Variants in SEC16A observed in about 807,000 individuals in gnomAD.
The protein encoded by SEC16A is SEC16 homolog A, endoplasmic reticulum export factor.
In SEC16A, 110 loss-of-function variants were observed where a neutral mutation model predicts 221.9. The observed-to-expected ratio is 0.50, with a 90% CI of 0.42 to 0.58. The LOEUF is 0.58. SEC16A is among the 20% of genes least tolerant of loss of function. The pLI, the probability that SEC16A is intolerant of heterozygous loss-of-function variation, is 0.00. For missense variants in SEC16A, 3,165 were observed against 3,097.8 expected, an observed-to-expected ratio of 1.02 and a Z score of -0.52; for synonymous variants, 1,393 against 1,257.7, an observed-to-expected ratio of 1.11 and a Z score of -2.28.
chr9:136,476,175 A>G lies in SEC16A; in HGVS notation c.1441T>C (p.Ser481Pro). The G allele has an allele frequency of 6.2e-7, 1 of 1,613,852 alleles. No homozygotes were observed. The highest frequency in any genetic ancestry group is 8.5e-7 in the Non-Finnish European group (1 of 1,179,888). ...TATCTGAACTGGTCACTCGGGGAGG[A>G]AGGGTCCAAATTGAGGGGCTCACTT... The part of the protein sequence containing the change: ...LPSEPLNLDP[S>P]SPSDQFRYGP... The change falls in exon 3 of 32, where the codon TCC (serine) becomes CCC (proline). Residue 481 changes from serine to proline, a missense_variant. Ser to Pro is a moderately conservative substitution (Grantham distance 74, BLOSUM62 -1). Transcript: ENST00000684901.
In SEC16A at chr9:136,475,568, G is replaced by C; in HGVS notation, c.2048C>G (p.Thr683Arg). The C allele has an allele frequency of 6.2e-7, 1 of 1,613,444 alleles. No individual in the cohort carries two copies. Among genetic ancestry groups the C allele is most frequent in the Non-Finnish European group, 8.5e-7 (1 of 1,179,754 alleles). The change falls in exon 3 of 32, where the codon ACG (threonine) becomes AGG (arginine). Residue 683 changes from threonine (T) to arginine (R), a missense_variant. Around this residue, in one of 3 missense-constraint regions of SEC16A, gnomAD observed 2,030 missense variants for 1,923.1 expected, o/e 1.06. Transcript: ENST00000684901. This position sits in a 1 kb window ranked among gnomAD's most constrained non-coding sequence, Gnocchi z 5.0. The part of the protein sequence containing the change: ...QVCPLPLNST[T>R]EAVHMLPHAG... ...GTGCGGAAGCATGTGCACAGCTTCC[G>C]TGGTGGAGTTAAGAGGCAGGGGACA...
chr9:136,466,938 C>A lies in SEC16A; in HGVS notation c.3929+19G>T. The A allele has an allele frequency of 1.2e-5, 19 of 1,608,740 alleles. No homozygotes were observed. Among genetic ancestry groups the A allele is most frequent in the Non-Finnish European group, 1.5e-5 (18 of 1,177,978 alleles). On this transcript the variant is annotated intron_variant, in intron 6 of 31. Coordinates refer to ENST00000684901, the MANE Select transcript of SEC16A (RefSeq NM_014866.2). The surrounding 1 kb of genome is among the most constrained non-coding windows in gnomAD (Gnocchi z 5.5). ...CTGGCTGCCCCCAGCCTCTGCCTCC[C>A]CAGGGGTGCTCCACCAACCTGTCCC...
chr9:136,465,814 C>G, intron 8 of SEC16A, 148 bp downstream of exon 8: 1 of 834,378 alleles, frequency 1.2e-6, no homozygotes, highest in South Asian at 1.8e-5. Flanking sequence ...TCCTGACACA[C>G]CCTGCTTCTC....
intron 31 of SEC16A, 53 bp from the exon 32 acceptor site, chr9:136,441,876 G>A: frequency 4.0e-6 from 6 of 1,511,516 alleles, no homozygotes; most frequent in Non-Finnish European, 5.5e-6. Context: ...AGGGTGAGCA[G>A]TGCTCGGCTG....
chr9:136,457,081 G>C (rs1352598350), intron 18 of SEC16A, among the ~76,000 whole-genome samples: 4 of 152,210 alleles, frequency 2.6e-5, no homozygotes, highest in African/African-American at 4.8e-5. Context: ...GCTGAGGCAG[G>C]AGCATCACTT....
At chr9:136,443,095 A>G (rs1435470257) in intron 31 of SEC16A, among the ~76,000 whole-genome samples, 1 of 152,250 alleles carries the variant, frequency 6.6e-6, no homozygotes, top group Admixed American at 6.5e-5. Flanking sequence ...CACGGGCTCC[A>G]GGAGAACAGA....
At chr9:136,451,754 G>A (rs895961332) in intron 22 of SEC16A, among the ~76,000 whole-genome samples, 4 of 152,212 alleles carry the variant, frequency 2.6e-5, no homozygotes, top group Admixed American at 6.5e-5. Context: ...CCAGAGGGGG[G>A]CGATGGGTGT....
Position 136,471,492 on chromosome 9 carries a change from G to A in SEC16A, c.3704+483C>T, listed in dbSNP as rs1025329574. Among the ~76,000 whole-genome samples the A allele has an allele frequency of 2.6e-5, 4 of 152,208 alleles. No individual in the cohort carries two copies. The East Asian group carries it at 7.7e-4, about 29-fold the overall frequency. On this transcript the variant is annotated intron_variant, in intron 4 of 31. Transcript: ENST00000684901. The stretch of plus-strand genomic sequence containing the variant: ...TGCCTTAAAAGAAAAAAAAAGAAGA[G>A]GAAACACAGGCTTTCAAGCCCTGCT...
chr9:136,450,971 C>T (rs1837704994), intron 23 of SEC16A, among the ~76,000 whole-genome samples: 2 of 152,242 alleles, frequency 1.3e-5, no homozygotes, highest in South Asian at 4.1e-4. Context: ...GACAAAGCAG[C>T]GGCTGCCGTC....
intron 1 of SEC16A, among the ~76,000 whole-genome samples, chr9:136,481,129 C>CTTTTTTTTTTTTT (rs1000992506): frequency 2.3e-5 from 2 of 87,988 alleles, no homozygotes; most frequent in African/African-American, 4.5e-5. Flanking sequence ...GAATTTTATT[C>CTTTTTTTTTTTTT]TTTTTTTTTT....
chr9:136,447,486 C>T lies in SEC16A; in HGVS notation c.6559+83G>A. On this transcript the variant is annotated intron_variant, in intron 26 of 31. Transcript: ENST00000684901. This position sits in a 1 kb window ranked among gnomAD's most constrained non-coding sequence, Gnocchi z 5.5. ...GGACGTGCGGGAAGCCACCTCCTCC[C>T]CACGCACAACAGCTACACATTGGCC... is the stretch of plus-strand genomic sequence containing the variant. The T allele has an allele frequency of 6.5e-7, 1 of 1,535,244 alleles. No homozygotes were observed. Among genetic ancestry groups the T allele is most frequent in the Non-Finnish European group, 8.9e-7 (1 of 1,119,686 alleles).
chr9:136,475,493 G>A lies in SEC16A; in HGVS notation c.2123C>T (p.Pro708Leu). The A allele has an allele frequency of 6.2e-7, 1 of 1,608,174 alleles. No homozygotes were observed. Among genetic ancestry groups the A allele is most frequent in the Non-Finnish European group, 8.5e-7 (1 of 1,175,880 alleles). The change falls in exon 3 of 32, where the codon CCT (proline) becomes CTT (leucine). Residue 708 changes from proline to leucine, a missense_variant. This residue lies in a region of SEC16A where 2,030 missense variants were observed against 1,923.1 expected (regional missense o/e 1.06). Transcript: ENST00000684901. This position sits in a 1 kb window ranked among gnomAD's most constrained non-coding sequence, Gnocchi z 5.0. ...DTVYPAPEKR[P>L]SARTQGPVKC... ...CACGGGCCCCTGGGTCCTGGCTGAA[G>A]GCCTCTTCTCGGGTGCTGGATACAC...
Position 136,474,178 on chromosome 9 carries a change from T to G in SEC16A, c.3438A>C (p.Ala1146=). The G allele has an allele frequency of 6.2e-7, 1 of 1,612,996 alleles. No individual in the cohort carries two copies. Among genetic ancestry groups the G allele is most frequent in the Non-Finnish European group, 8.5e-7 (1 of 1,179,804 alleles). The change falls in exon 3 of 32, where the codon GCA becomes GCC. Residue 1146 remains alanine (A), a synonymous_variant. Transcript: ENST00000684901. The stretch of plus-strand genomic sequence containing the variant: ...CCTGAGGCGGTGGGCCGGGGGCAAG[T>G]GCAGGCACTGGCTGTGGCCACGGCT... ...SEQPWPQPVP[A]LAPGPPPQDL...
rs756854879 is a variant in SEC16A at position 136,476,931 on chromosome 9, G to A, written c.685C>T (p.Arg229Cys). The A allele has an allele frequency of 2.5e-5, 41 of 1,612,172 alleles. No homozygotes were observed. The East Asian group carries it at 6.5e-4, about 25-fold the overall frequency. Reference sequence around the variant, plus strand: ...ACAGGTCCTTCAGGGCAGGGTGAACGATGTTGCCCCGAGGGCTGTGGGCCT... The same window carrying A: ...ACAGGTCCTTCAGGGCAGGGTGAACAATGTTGCCCCGAGGGCTGTGGGCCT... The part of the protein sequence containing the change: ...QGGPQPSGQH[R>C]SPCPEGPVPS... The change falls in exon 3 of 32, where the codon CGT becomes TGT. Residue 229 changes from arginine to cysteine, a missense_variant. Coordinates refer to ENST00000684901, the MANE Select transcript of SEC16A (RefSeq NM_014866.2).
chr9:136,441,913 A>G (rs1027102657), intron 31 of SEC16A, 90 bp from the exon 32 acceptor site: 2 of 1,132,530 alleles, frequency 1.8e-6, no homozygotes, highest in African/African-American at 3.0e-5. Flanking sequence ...GGTCCACATA[A>G]TGAACCACAC....
At chr9:136,481,370 C>G (rs1319660984) in intron 1 of SEC16A, among the ~76,000 whole-genome samples, 1 of 152,076 alleles carries the variant, frequency 6.6e-6, no homozygotes, top group Non-Finnish European at 1.5e-5. Flanking sequence ...GATCTCCTGA[C>G]CTCGTGATCC....
At chr9:136,464,341 T>G in intron 9 of SEC16A, 79 bp downstream of exon 9, 2 of 1,366,092 alleles carry the variant, frequency 1.5e-6, no homozygotes, top group Non-Finnish European at 2.0e-6. Flanking sequence ...GGTCTGACAA[T>G]TGAAGATGAC....
chr9:136,457,929 C>G (rs2132232483), intron 17 of SEC16A, among the ~76,000 whole-genome samples: 2 of 152,308 alleles, frequency 1.3e-5, no homozygotes, highest in South Asian at 4.1e-4. Context: ...GTAGCTTAAG[C>G]TGCTCCACAG....
rs1220226278 is a variant in SEC16A at position 136,476,969 on chromosome 9, C to T, written c.647G>A (p.Gly216Glu). Residue 216 changes from glycine (G) to glutamate (E), a missense_variant, in exon 3 of 32, where the codon GGG (glycine) becomes GAG (glutamate). Around this residue, in one of 3 missense-constraint regions of SEC16A, gnomAD observed 2,030 missense variants for 1,923.1 expected, o/e 1.06. Transcript: ENST00000684901. ...QPGLQMPGQW[G>E]PVQGGPQPSG... ...GGGCTGTGGGCCTCCCTGCACTGGCCCCCACTGTCCTGGCATCTGCAGACC... is the reference window on the plus strand; with the variant it reads ...GGGCTGTGGGCCTCCCTGCACTGGCTCCCACTGTCCTGGCATCTGCAGACC... The T allele has an allele frequency of 6.2e-7, 1 of 1,613,096 alleles. No homozygotes were observed. The highest frequency in any genetic ancestry group is 8.5e-7 in the Non-Finnish European group (1 of 1,179,836).
Sources: allele counts gnomAD v4.1 joint callset (sites outside exome capture counted in the v4.1 genomes callset), GRCh38; gene constraint gnomAD v4.1.1; regional missense constraint gnomAD v4.1.1; non-coding constraint Gnocchi (gnomAD v3.1); transcripts MANE v1.5; gene names NCBI Gene and HGNC (gene_info 2026-07-23, HGNC 2026-07-21).